Variants in PIEZO2 observed in about 807,000 individuals in gnomAD.
PIEZO2 encodes the protein piezo type mechanosensitive ion channel component 2.
In PIEZO2, 172 loss-of-function variants were observed where a neutral mutation model predicts 337.3. That is an observed-to-expected ratio of 0.51 (90% confidence interval 0.45 to 0.58). PIEZO2 has a LOEUF of 0.58. Among genes scored for constraint, PIEZO2 ranks in the 20% least tolerant of loss-of-function variants. The pLI is 0.00. For missense variants in PIEZO2, 3,028 were observed against 3,391.3 expected, an observed-to-expected ratio of 0.89 and a Z score of 2.66; for synonymous variants, 1,251 against 1,228.5, an observed-to-expected ratio of 1.02 and a Z score of -0.38.
At chr18:10,709,795 G>C (rs1472429350) in intron 39 of PIEZO2, among the ~76,000 whole-genome samples, 1 of 152,216 alleles carries the variant, frequency 6.6e-6, no homozygotes, top group Non-Finnish European at 1.5e-5. Flanking sequence ...ATGTGACCAA[G>C]ACAGGGGCAG....
At chr18:10,838,227 C>G (rs1291508831) in intron 7 of PIEZO2, among the ~76,000 whole-genome samples, 4 of 152,140 alleles carry the variant, frequency 2.6e-5, no homozygotes, top group African/African-American at 9.7e-5. Context: ...CTTTTCCCAC[C>G]CTACCCCCTG....
chr18:10,825,596 G>T (rs1211659992), intron 7 of PIEZO2, among the ~76,000 whole-genome samples: 3 of 134,382 alleles, frequency 2.2e-5, no homozygotes, highest in Non-Finnish European at 4.7e-5. Flanking sequence ...TGTCACCCAG[G>T]CTGGAGTGCA....
Position 10,767,012 on chromosome 18 carries a change from TCCCTC to T in PIEZO2, c.2946+3131_2946+3135del, listed in dbSNP as rs2038393364. ...TCCCTCCCCTCCCCTCCCCTCCCCT[TCCCTC>T]CCCTCCCCTTCCCTTCCTTCTCCAA... On this transcript the variant is annotated intron_variant, in intron 21 of 55. Coordinates refer to ENST00000674853, the MANE Select transcript of PIEZO2 (RefSeq NM_001378183.1). The surrounding 1 kb of genome is among the most constrained non-coding windows in gnomAD (Gnocchi z 4.2). 8.9e-6 allele frequency among the ~76,000 whole-genome samples: 1 copy of T among 112,272 alleles called. No homozygotes were observed. The highest frequency in any genetic ancestry group is 3.4e-5 in the African/African-American group (1 of 29,172). The allele number at this position is 112,272 out of a possible 152,430, so 73.7% of individuals were successfully genotyped here. A position where few individuals can be genotyped will look rare whatever the true frequency, so the allele number is the denominator to read the frequency against.
intron 47 of PIEZO2, among the ~76,000 whole-genome samples, chr18:10,693,342 T>G (rs1253413370): frequency 2.1e-5 from 3 of 140,492 alleles, no homozygotes; most frequent in African/African-American, 2.7e-5. Flanking sequence ...GCTTCTTGCT[T>G]TCCAATCTGG....
chr18:11,024,140 G>A (rs1266238652), intron 2 of PIEZO2, among the ~76,000 whole-genome samples: 1 of 152,224 alleles, frequency 6.6e-6, no homozygotes, highest in Non-Finnish European at 1.5e-5. Flanking sequence ...GGCCTGAGTG[G>A]GCGCCAAGGC....
intron 4 of PIEZO2, among the ~76,000 whole-genome samples, chr18:10,900,792 C>T (rs1475208187): frequency 6.6e-6 from 1 of 152,186 alleles, no homozygotes; most frequent in Non-Finnish European, 1.5e-5. Context: ...CGTGCTCCTA[C>T]TTCTGCCTCC....
rs1476588137 is a variant in PIEZO2 at position 10,672,002 on chromosome 18, A to C, written c.8346-223T>G. 1.3e-5 allele frequency among the ~76,000 whole-genome samples: 2 copies of C among 152,234 alleles called. No individual in the cohort carries two copies. Among genetic ancestry groups the C allele is most frequent in the Non-Finnish European group, 2.9e-5 (2 of 68,044 alleles). On this transcript the variant is annotated intron_variant, in intron 55 of 55. Transcript: ENST00000674853. This position sits in a 1 kb window ranked among gnomAD's most constrained non-coding sequence, Gnocchi z 4.7. ...GTATTACAGAACTGTTAGACTTGAA[A>C]AATGAAAGTCCTTTACAATCTCACA...
intron 4 of PIEZO2, among the ~76,000 whole-genome samples, chr18:10,886,294 A>T (rs1474442673): frequency 8.3e-6 from 1 of 121,184 alleles, no homozygotes; most frequent in Non-Finnish European, 1.6e-5. Context: ...GATGCTTGAA[A>T]CTGCAGATGG....
Position 10,758,051 on chromosome 18 carries a change from C to T in PIEZO2, c.3841G>A (p.Gly1281Ser), listed in dbSNP as rs1304189347. Reference sequence around the variant, plus strand: ...TTCATGCAGATCTCGACATTGTCACCTGCCATGATTCGCACTGCAGCCTTG... The same window carrying T: ...TTCATGCAGATCTCGACATTGTCACTTGCCATGATTCGCACTGCAGCCTTG... ...ENKAAVRIMA[G>S]DNVEICMNLD... Residue 1281 changes from glycine to serine, a missense_variant, in exon 27 of 56, where the codon GGT (glycine) becomes AGT (serine). By Grantham distance (56) the Gly-to-Ser change is moderately conservative. This residue lies in a region of PIEZO2 where 1,925 missense variants were observed against 2,051.9 expected (regional missense o/e 0.94). Coordinates refer to ENST00000674853, the MANE Select transcript of PIEZO2 (RefSeq NM_001378183.1). 7 of 1,537,382 alleles carry T rather than the reference C, an allele frequency of 4.6e-6. No individual in the cohort carries two copies. The East Asian group carries it at 7.3e-5, about 16-fold the overall frequency.
chr18:10,913,565 T>C (rs1397645128), intron 3 of PIEZO2, among the ~76,000 whole-genome samples: 2 of 152,196 alleles, frequency 1.3e-5, no homozygotes, highest in African/African-American at 4.8e-5. Context: ...CTTTTCTTAA[T>C]AGGTTCCATT....
rs1189849 is a variant in PIEZO2, at chr18:10,828,146, T to G, written c.918-20872A>C. ...TTTTTGTTTGTTTGTTTTTGTTTTT[T>G]TTTTTTTTTACAGTAAAACCAATCC... On this transcript the variant is annotated intron_variant, in intron 7 of 55. Coordinates refer to ENST00000674853, the MANE Select transcript of PIEZO2 (RefSeq NM_001378183.1). The surrounding 1 kb of genome is among the most constrained non-coding windows in gnomAD (Gnocchi z 4.1). Among the ~76,000 whole-genome samples the G allele has an allele frequency of 3.6e-4, 53 of 147,012 alleles. 2 individuals are homozygous for G. Among genetic ancestry groups the G allele is most frequent in the East Asian group, 1.6e-3 (8 of 5,148 alleles).
intron 4 of PIEZO2, among the ~76,000 whole-genome samples, chr18:10,900,216 C>T (rs2043011362): frequency 6.7e-6 from 1 of 149,914 alleles, no homozygotes; most frequent in Non-Finnish European, 1.5e-5. Flanking sequence ...CACACAAACA[C>T]CTAAATCCAC....
chr18:10,757,775 A>C (rs2037942982), intron 27 of PIEZO2, among the ~76,000 whole-genome samples, 194 bp downstream of exon 27: 1 of 152,038 alleles, frequency 6.6e-6, no homozygotes, highest in Non-Finnish European at 1.5e-5. Context: ...TTACATTGAC[A>C]AAAGCAGGTG....
chr18:10,829,727 T>C (rs1359574474), intron 7 of PIEZO2, among the ~76,000 whole-genome samples: 1 of 151,928 alleles, frequency 6.6e-6, no homozygotes, highest in African/African-American at 2.4e-5. Flanking sequence ...ACAAAATAAC[T>C]AGGAATTAAC....
intron 33 of PIEZO2, among the ~76,000 whole-genome samples, chr18:10,737,336 G>T (rs1170713840): frequency 6.7e-6 from 1 of 150,142 alleles, no homozygotes; most frequent in Non-Finnish European, 1.5e-5. Flanking sequence ...GATGAAATGG[G>T]CAGGTAACAT....
rs1019551037 is a variant in PIEZO2, at chr18:10,850,606, T to C, written c.917+4747A>G. 1.3e-5 allele frequency among the ~76,000 whole-genome samples: 2 copies of C among 152,228 alleles called. No individual in the cohort carries two copies. The highest frequency in any genetic ancestry group is 4.8e-5 in the African/African-American group (2 of 41,474). On this transcript the variant is annotated intron_variant, in intron 7 of 55. Transcript: ENST00000674853. This position sits in a 1 kb window ranked among gnomAD's most constrained non-coding sequence, Gnocchi z 4.5. ...AACTCAGGGGTTGACTAAATTCTAA[T>C]ATAGCTACACAATCACTTTGCACTC...
chr18:11,081,228 G>C (rs980575311), intron 1 of PIEZO2, among the ~76,000 whole-genome samples: 5 of 152,166 alleles, frequency 3.3e-5, no homozygotes, highest in African/African-American at 1.2e-4. Flanking sequence ...TGCAAATTCT[G>C]TTTAACCACA....
chr18:10,898,376 G>A (rs1370586091), intron 4 of PIEZO2, among the ~76,000 whole-genome samples: 5 of 151,972 alleles, frequency 3.3e-5, no homozygotes, highest in African/African-American at 9.7e-5. Context: ...AGCCGAAATT[G>A]CGCCAGTGCA....
chr18:11,095,201 T>C (rs1253885109), intron 1 of PIEZO2, among the ~76,000 whole-genome samples: 1 of 152,256 alleles, frequency 6.6e-6, no homozygotes, highest in African/African-American at 2.4e-5. Context: ...ATTCCATTGA[T>C]AGGTCACAGA....
Sources: gnomAD v4.1 joint callset for allele counts (sites outside exome capture counted in the v4.1 genomes callset) on GRCh38, gnomAD v4.1.1 for gene constraint, gnomAD v4.1.1 regional missense constraint, Gnocchi (gnomAD v3.1) non-coding constraint, MANE v1.5 for transcripts, NCBI Gene and HGNC (gene_info 2026-07-23, HGNC 2026-07-21) for gene names.